The following OSBPL3 variants were observed in gnomAD, a reference collection of about 807,000 sequenced individuals.
The protein encoded by OSBPL3 is oxysterol binding protein like 3, also known as oxysterol-binding protein-related protein 3.
A neutral mutation model predicts 120.1 loss-of-function variants in OSBPL3; 65 were observed. The ratio of observed to expected loss-of-function variants is 0.54; its 90% confidence interval spans 0.44 to 0.67. The LOEUF (loss-of-function observed/expected upper bound fraction) is 0.67. OSBPL3 is among the 30% of genes least tolerant of loss of function. The pLI, the probability that OSBPL3 is intolerant of heterozygous loss-of-function variation, is 0.00. For synonymous variants in OSBPL3, 416 were observed against 402.6 expected, an observed-to-expected ratio of 1.03 and a Z score of -0.40; for missense variants, 1,004 against 1,082.1, an observed-to-expected ratio of 0.93 and a Z score of 1.01.
chr7:24,839,354 T>C (rs1797407130), intron 14 of OSBPL3, among the ~76,000 whole-genome samples: 1 of 152,204 alleles, frequency 6.6e-6, no homozygotes, highest in Admixed American at 6.5e-5. Flanking sequence ...GTCTGCTTAC[T>C]GAAGTCCTAA....
Position 24,833,499 on chromosome 7 carries a change from T to C in OSBPL3, c.1746+987A>G, listed in dbSNP as rs1381567090. 6.6e-6 allele frequency among the ~76,000 whole-genome samples: 1 copy of C among 152,200 alleles called. No homozygotes were observed. The highest frequency in any genetic ancestry group is 2.4e-5 in the African/African-American group (1 of 41,448). On this transcript the variant is annotated intron_variant, in intron 15 of 22. Coordinates refer to ENST00000313367, the MANE Select transcript of OSBPL3 (RefSeq NM_015550.4). The surrounding 1 kb of genome is among the most constrained non-coding windows in gnomAD (Gnocchi z 4.4). Reference sequence around the variant, plus strand: ...GAAGTAATGATGTTTTAATGAGCGCTAGAACTGCAGAATGCTTAGAATGTA... The same window carrying C: ...GAAGTAATGATGTTTTAATGAGCGCCAGAACTGCAGAATGCTTAGAATGTA...
intron 2 of OSBPL3, among the ~76,000 whole-genome samples, chr7:24,882,219 T>C (rs185052585): frequency 5.9e-4 from 90 of 152,242 alleles, no homozygotes; most frequent in Middle Eastern, 3.4e-3. Context: ...CCACGTACAT[T>C]GTGTCCATTA....
chr7:24,872,200 C>T lies in OSBPL3; in HGVS notation c.97-131G>A. 2 of 659,966 alleles carry T rather than the reference C, an allele frequency of 3.0e-6. No individual in the cohort carries two copies. Among genetic ancestry groups the T allele is most frequent in the South Asian group, 1.9e-5 (1 of 53,580 alleles). The allele number at this position is 659,966 out of a possible 1,614,324, so 40.9% of individuals were successfully genotyped here. A position where few individuals can be genotyped will look rare whatever the true frequency, so the allele number is the denominator to read the frequency against. On this transcript the variant is annotated intron_variant, in intron 2 of 22. Transcript: ENST00000313367. This position sits in a 1 kb window ranked among gnomAD's most constrained non-coding sequence, Gnocchi z 4.1. ...GCTGGGTTTGTTGGGGAGAAGAAAT[C>T]CAAATTTAATTTCCATACAGTCCCT...
chr7:24,900,345 G>C lies in OSBPL3; in HGVS notation c.-149-7724C>G, dbSNP rs1254720597. On this transcript the variant is annotated intron_variant, in intron 1 of 22. Transcript: ENST00000313367. This position sits in a 1 kb window ranked among gnomAD's most constrained non-coding sequence, Gnocchi z 4.5. ...ATTTAACTTTGTTATTTAGAAGTTT[G>C]GTGATGTTTTTGTGACCAGAAATAT... 6.6e-6 allele frequency among the ~76,000 whole-genome samples: 1 copy of C among 152,122 alleles called. No individual in the cohort carries two copies. Among genetic ancestry groups the C allele is most frequent in the African/African-American group, 2.4e-5 (1 of 41,418 alleles).
rs1815477392 is a variant in OSBPL3, at chr7:24,959,552, T to C, written c.-150+20334A>G. Among the ~76,000 whole-genome samples, 1 of 152,220 alleles carries C rather than the reference T, an allele frequency of 6.6e-6. No homozygotes were observed. The highest frequency in any genetic ancestry group is 2.4e-5 in the African/African-American group (1 of 41,464). ...GGAAATTACCCATTGCGGGTAGGGA[T>C]AGCGACTTCGGAAGAGCTGGTAATC... On this transcript the variant is annotated intron_variant, in intron 1 of 22. Coordinates refer to ENST00000313367, the MANE Select transcript of OSBPL3 (RefSeq NM_015550.4). The surrounding 1 kb of genome is among the most constrained non-coding windows in gnomAD (Gnocchi z 4.3).
chr7:24,906,788 C>CTG (rs1014612202), intron 1 of OSBPL3, among the ~76,000 whole-genome samples: 6 of 152,116 alleles, frequency 3.9e-5, no homozygotes, highest in Non-Finnish European at 8.8e-5. Flanking sequence ...CATGGGCAGT[C>CTG]ACCAAAGTTT....
chr7:24,946,383 A>G lies in OSBPL3; in HGVS notation c.-150+33503T>C, dbSNP rs1813734408. Among the ~76,000 whole-genome samples, 1 of 152,152 alleles carries G rather than the reference A, an allele frequency of 6.6e-6. No homozygotes were observed. Among genetic ancestry groups the G allele is most frequent in the Admixed American group, 6.5e-5 (1 of 15,276 alleles). On this transcript the variant is annotated intron_variant, in intron 1 of 22. Transcript: ENST00000313367. This position sits in a 1 kb window ranked among gnomAD's most constrained non-coding sequence, Gnocchi z 4.3. Reference sequence around the variant, plus strand: ...CACAAACCAACTCGTATTTAAGAGAAGGGTACACAGACCTCACCTATCAAT... The same window carrying G: ...CACAAACCAACTCGTATTTAAGAGAGGGGTACACAGACCTCACCTATCAAT...
chr7:24,804,921 T>C lies in OSBPL3; in HGVS notation c.2445-484A>G, dbSNP rs1792842540. On this transcript the variant is annotated intron_variant, in intron 21 of 22. Transcript: ENST00000313367. This position sits in a 1 kb window ranked among gnomAD's most constrained non-coding sequence, Gnocchi z 5.4. ...TTACAGATCTTTCCATGGATGTACA[T>C]ACATCTTCATTTTTTAATAGCCACA... 6.6e-6 allele frequency among the ~76,000 whole-genome samples: 1 copy of C among 152,254 alleles called. No homozygotes were observed. The highest frequency in any genetic ancestry group is 2.4e-5 in the African/African-American group (1 of 41,474).
intron 12 of OSBPL3, among the ~76,000 whole-genome samples, chr7:24,845,672 AT>A (rs1480903754): frequency 1.1e-4 from 17 of 150,794 alleles, no homozygotes; most frequent in Non-Finnish European, 1.9e-4. Flanking sequence ...AAAAAAAAAA[AT>A]AGATCTAATC....
rs143370726 is a variant in OSBPL3, at chr7:24,878,906, T to C, written c.97-6837A>G. Among the ~76,000 whole-genome samples, 1,424 of 152,316 alleles carry C rather than the reference T, an allele frequency of 9.3e-3. 28 individuals carry two copies. Among genetic ancestry groups the C allele is most frequent in the African/African-American group, 0.032 (1,335 of 41,562 alleles). ...TGAGGCTATCACTGCTGCTGGACCA[T>C]AAGCCCAACTTGAGTAGCCACATTC... On this transcript the variant is annotated intron_variant, in intron 2 of 22. Transcript: ENST00000313367.
intron 1 of OSBPL3, among the ~76,000 whole-genome samples, chr7:24,927,231 A>T (rs1371255371): frequency 6.6e-6 from 1 of 152,246 alleles, no homozygotes; most frequent in Non-Finnish European, 1.5e-5. Context: ...AGGGGAATTG[A>T]CAAAAACGAA....
intron 20 of OSBPL3, 121 bp downstream of exon 20, chr7:24,809,686 G>T: frequency 1.1e-6 from 1 of 896,668 alleles, no homozygotes; most frequent in Non-Finnish European, 1.7e-6. Context: ...CTCTAACCTA[G>T]TTCAAAGCAG....
At chr7:24,910,963 G>A (rs904069211) in intron 1 of OSBPL3, among the ~76,000 whole-genome samples, 1 of 152,200 alleles carries the variant, frequency 6.6e-6, no homozygotes, top group African/African-American at 2.4e-5. Context: ...AACTGGTCCA[G>A]ACACTGGGGA....
Position 24,822,428 on chromosome 7 carries a change from T to A in OSBPL3, c.1885-2190A>T, listed in dbSNP as rs999082848. Among the ~76,000 whole-genome samples, 2 of 152,106 alleles carry A rather than the reference T, an allele frequency of 1.3e-5. No homozygotes were observed. Among genetic ancestry groups the A allele is most frequent in the Non-Finnish European group, 2.9e-5 (2 of 68,036 alleles). On this transcript the variant is annotated intron_variant, in intron 16 of 22. Transcript: ENST00000313367. The surrounding 1 kb of genome is among the most constrained non-coding windows in gnomAD (Gnocchi z 5.8). Reference sequence around the variant, plus strand: ...CAGCCTGGGCAACATAGTGAGACACTATCTATAATAATAATAACCATTAAT... The same window carrying A: ...CAGCCTGGGCAACATAGTGAGACACAATCTATAATAATAATAACCATTAAT...
At chr7:24,956,474 C>T (rs116064960) in intron 1 of OSBPL3, among the ~76,000 whole-genome samples, 2,961 of 152,318 alleles carry the variant, frequency 0.019, 88 homozygotes, top group African/African-American at 0.063. Context: ...TTTGTTGTTA[C>T]GAAGAACTGA....
chr7:24,911,450 T>C (rs976277420), intron 1 of OSBPL3, among the ~76,000 whole-genome samples: 6 of 152,214 alleles, frequency 3.9e-5, no homozygotes, highest in South Asian at 2.1e-4. Flanking sequence ...AATCAACTTA[T>C]CATCTTTTCA....
chr7:24,807,040 T>C (rs544548908), intron 20 of OSBPL3, 138 bp from the exon 21 acceptor site: 1 of 717,274 alleles, frequency 1.4e-6, no homozygotes, highest in Non-Finnish European at 2.2e-6. Flanking sequence ...ATATTCTGAC[T>C]AATGAACAGG....
chr7:24,889,303 A>C (rs1469724719), intron 2 of OSBPL3, among the ~76,000 whole-genome samples: 2 of 152,220 alleles, frequency 1.3e-5, no homozygotes, highest in Non-Finnish European at 2.9e-5. Context: ...AAAAAAGTCA[A>C]ACTTACAGAA....
chr7:24,917,401 C>CATATATATATATATATATATTTGTAACAT (rs1809740841), intron 1 of OSBPL3, among the ~76,000 whole-genome samples: 1 of 100,048 alleles, frequency 1.0e-5, no homozygotes, highest in Non-Finnish European at 2.0e-5. Context: ...ATATTTGTAA[C>CATATATATATATATATATATTTGTAACAT]ATATATATAT....
Sources: gnomAD v4.1 joint callset for allele counts (sites outside exome capture counted in the v4.1 genomes callset) on GRCh38, gnomAD v4.1.1 for gene constraint, Gnocchi (gnomAD v3.1) non-coding constraint, MANE v1.5 for transcripts, NCBI Gene and HGNC (gene_info 2026-07-23, HGNC 2026-07-21) for gene names.